MICU3: variants seen among roughly 807,000 people sequenced by gnomAD.
MICU3 encodes the protein calcium uptake protein 3, mitochondrial.
In MICU3, 62 loss-of-function variants were observed where a neutral mutation model predicts 66.5. The observed-to-expected ratio is 0.93, with a 90% CI of 0.76 to 1.15. The LOEUF is 1.15. Ranked by LOEUF, MICU3 falls within the 50% of genes most tolerant of loss-of-function variation. The probability of loss-of-function intolerance (pLI) is 0.00; values close to 1 mark genes in which losing one functional copy is unlikely to be tolerated. For synonymous variants in MICU3, 308 were observed against 240.7 expected (o/e 1.28, Z -2.59); for missense variants, 779 against 664.4 (o/e 1.17, Z -1.90).
At chr8:17,119,870 GT>G (rs1563405514) in intron 14 of MICU3, among the ~76,000 whole-genome samples, 5 of 152,118 alleles carry the variant, frequency 3.3e-5, no homozygotes. Flanking sequence ...GGTGGTAACC[GT>G]TGTAGCTGAG....
intron 5 of MICU3, among the ~76,000 whole-genome samples, chr8:17,082,159 C>T (rs117578648): frequency 0.013 from 1,920 of 152,212 alleles, 21 homozygotes; most frequent in Non-Finnish European, 0.022. Flanking sequence ...TATTTTCTCC[C>T]TGTCAGGTGC....
chr8:17,106,615 T>A (rs1017115051), intron 11 of MICU3, among the ~76,000 whole-genome samples: 2 of 151,894 alleles, frequency 1.3e-5, no homozygotes, highest in South Asian at 4.1e-4. Flanking sequence ...TTAAGTTTTT[T>A]AAAGTTAAAT....
In MICU3 at chr8:17,064,194, T is replaced by G. The variant is rs1420240653; in HGVS notation, c.492T>G (p.Thr164=). The part of the protein sequence containing the change: ...SIECEGQLFM[T]PYDFILAVTT... ...AATGTGAAGGGCAGTTATTCATGACTCCGTATGATTTTATTTTGGCTGTTA... is the reference window on the plus strand; with the variant it reads ...AATGTGAAGGGCAGTTATTCATGACGCCGTATGATTTTATTTTGGCTGTTA... Residue 164 remains threonine, a synonymous_variant, in exon 2 of 15, where the codon ACT becomes ACG. Coordinates refer to ENST00000318063, the MANE Select transcript of MICU3 (RefSeq NM_181723.3). 1 of 1,612,624 alleles carries G rather than the reference T, an allele frequency of 6.2e-7. No homozygotes were observed. Among genetic ancestry groups the G allele is most frequent in the African/African-American group, 1.3e-5 (1 of 75,032 alleles).
At chr8:17,077,929 T>A in intron 4 of MICU3, 68 bp downstream of exon 4, 1 of 916,338 alleles carries the variant, frequency 1.1e-6, no homozygotes, top group Non-Finnish European at 1.6e-6. Flanking sequence ...TATGCATATT[T>A]TCCCATACCT....
At chr8:17,099,677 A>T (rs923927135) in intron 9 of MICU3, among the ~76,000 whole-genome samples, 3 of 151,850 alleles carry the variant, frequency 2.0e-5, no homozygotes, top group African/African-American at 7.2e-5. Context: ...TTCCCTTTAC[A>T]GATATTTTAG....
chr8:17,110,743 G>GC (rs201327162), intron 11 of MICU3, among the ~76,000 whole-genome samples: 7 of 147,598 alleles, frequency 4.7e-5, no homozygotes, highest in Admixed American at 4.5e-4. Flanking sequence ...TTTTGGGGAG[G>GC]GGGGGGTAGA....
intron 3 of MICU3, among the ~76,000 whole-genome samples, chr8:17,070,739 G>A (rs539286020): frequency 1.3e-5 from 2 of 151,894 alleles, no homozygotes; most frequent in African/African-American, 4.8e-5. Flanking sequence ...ATGGTCATTT[G>A]TGAAACTTGA....
At chr8:17,030,984 T>G (rs1563259487) in intron 1 of MICU3, among the ~76,000 whole-genome samples, 1 of 152,156 alleles carries the variant, frequency 6.6e-6, no homozygotes, top group Non-Finnish European at 1.5e-5. Flanking sequence ...TTTTTACCTT[T>G]TTATACTCCT....
At chr8:17,086,110 TTTC>T (rs753852502) in intron 6 of MICU3, among the ~76,000 whole-genome samples, 1 of 152,122 alleles carries the variant, frequency 6.6e-6, no homozygotes, top group Non-Finnish European at 1.5e-5. Flanking sequence ...GCCATTTTCT[TTTC>T]TTCTTTTGTT....
chr8:17,101,222 G>A (rs1463445230), intron 9 of MICU3, among the ~76,000 whole-genome samples: 1 of 151,618 alleles, frequency 6.6e-6, no homozygotes, highest in Non-Finnish European at 1.5e-5. Flanking sequence ...GGGTTCTTTG[G>A]TGGCTTTTTC....
intron 1 of MICU3, among the ~76,000 whole-genome samples, chr8:17,043,106 A>G (rs1206406362): frequency 6.6e-6 from 1 of 150,584 alleles, no homozygotes; most frequent in Non-Finnish European, 1.5e-5. Flanking sequence ...CGCCCGGCTA[A>G]TTTTTTGTAT....
chr8:17,085,370 T>C lies in MICU3; in HGVS notation c.777+52T>C, dbSNP rs371588190. ...TCAATAATTAAATATTGCTTACTTATATTTTTATGTTTTTGCCTTATTGGG... is the reference window on the plus strand; with the variant it reads ...TCAATAATTAAATATTGCTTACTTACATTTTTATGTTTTTGCCTTATTGGG... On this transcript the variant is annotated intron_variant, in intron 6 of 14. Transcript: ENST00000318063. 2.6e-5 allele frequency: 32 copies of C among 1,240,666 alleles called. No individual in the cohort carries two copies. The African/African-American group carries it at 4.0e-4, about 15-fold the overall frequency. 76.9% of individuals were successfully genotyped at this position (1,240,666 alleles called of 1,614,324 possible).
At chr8:17,098,633 A>G (rs2150794902) in intron 9 of MICU3, 80 bp downstream of exon 9, 3 of 907,424 alleles carry the variant, frequency 3.3e-6, no homozygotes, top group Non-Finnish European at 5.4e-6. Flanking sequence ...AGTCACAGTG[A>G]TGAAACCCAA....
At chr8:17,127,740 T>G in the MICU3 span, among the ~76,000 whole-genome samples, 2 of 152,248 alleles carry the variant, frequency 1.3e-5, no homozygotes, top group African/African-American at 4.8e-5. Flanking sequence ...TTAACATATG[T>G]GTTTTTGCTC....
the MICU3 span, among the ~76,000 whole-genome samples, chr8:17,128,811 C>G: frequency 6.6e-6 from 1 of 152,094 alleles, no homozygotes; most frequent in Non-Finnish European, 1.5e-5. Flanking sequence ...AAGAATAGCT[C>G]AAGTAGCTGG....
chr8:17,080,128 A>T (rs1820962896), intron 4 of MICU3, among the ~76,000 whole-genome samples: 1 of 151,844 alleles, frequency 6.6e-6, no homozygotes, highest in Non-Finnish European at 1.5e-5. Flanking sequence ...TAAATTGAAG[A>T]GTTAGTTTTA....
At chr8:17,097,517 G>C (rs1800840687) in intron 8 of MICU3, among the ~76,000 whole-genome samples, 1 of 151,596 alleles carries the variant, frequency 6.6e-6, no homozygotes, top group African/African-American at 2.4e-5. Context: ...AAACTTAGAG[G>C]ACCTTTGAAA....
chr8:17,045,483 C>T (rs1313243986), intron 1 of MICU3, among the ~76,000 whole-genome samples: 1 of 152,162 alleles, frequency 6.6e-6, no homozygotes, highest in Non-Finnish European at 1.5e-5. Flanking sequence ...TTTAGTCATG[C>T]TTATGAAGTC....
intron 1 of MICU3, among the ~76,000 whole-genome samples, chr8:17,030,548 G>A (rs1049799629): frequency 1.3e-5 from 2 of 152,164 alleles, no homozygotes; most frequent in African/African-American, 4.8e-5. Context: ...CTTCTTATTA[G>A]TGTAACATCC....
Sources: allele counts gnomAD v4.1 joint callset (sites outside exome capture counted in the v4.1 genomes callset), GRCh38; gene constraint gnomAD v4.1.1; transcripts MANE v1.5; gene names NCBI Gene and HGNC (gene_info 2026-07-23, HGNC 2026-07-21).